The following ADARB2 variants were observed in gnomAD, a reference collection of about 807,000 sequenced individuals.
ADARB2 encodes the protein adenosine deaminase RNA specific B2 (inactive).
In ADARB2, 25 loss-of-function variants were observed where a neutral mutation model predicts 62.2. That is an observed-to-expected ratio of 0.40 (90% confidence interval 0.29 to 0.56). The LOEUF (loss-of-function observed/expected upper bound fraction) is 0.56. Among genes scored for constraint, ADARB2 ranks in the 20% least tolerant of loss-of-function variants. The pLI is 0.43. For synonymous variants in ADARB2, 572 were observed against 500.8 expected, an observed-to-expected ratio of 1.14 and a Z score of -1.90; for missense variants, 1,071 against 1,077.4, an observed-to-expected ratio of 0.99 and a Z score of 0.08.
intron 1 of ADARB2, among the ~76,000 whole-genome samples, chr10:1,513,166 A>G (rs1831960789): frequency 6.6e-6 from 1 of 152,244 alleles, no homozygotes; most frequent in East Asian, 1.9e-4. Context: ...TGTATATCAA[A>G]ACATCGTGTT....
intron 1 of ADARB2, among the ~76,000 whole-genome samples, chr10:1,507,760 C>T (rs1187562119): frequency 6.6e-6 from 1 of 152,146 alleles, no homozygotes; most frequent in Non-Finnish European, 1.5e-5. Flanking sequence ...AGCGGGTGTA[C>T]AGTGACTTCA....
At chr10:1,422,421 C>T (rs189922187) in intron 1 of ADARB2, among the ~76,000 whole-genome samples, 16 of 152,272 alleles carry the variant, frequency 1.1e-4, no homozygotes, top group Middle Eastern at 6.8e-3. Flanking sequence ...CTTTGGAGAC[C>T]GGGGCTGCAG....
Position 1,486,210 on chromosome 10 carries a change from CTGTGTGTGTGTG to C in ADARB2, c.101-107062_101-107051del, listed in dbSNP as rs61283089. On this transcript the variant is annotated intron_variant, in intron 1 of 9. Transcript: ENST00000381312. ...TGTGCATGTGTATGTGTGTGGACGC[CTGTGTGTGTGTG>C]TGTGTGTGTGTGTGTGTGTGTGTGT... is the stretch of plus-strand genomic sequence containing the variant. Among the ~76,000 whole-genome samples the C allele has an allele frequency of 1.1e-4, 16 of 142,952 alleles. No homozygotes were observed. The East Asian group carries it at 1.4e-3, about 13-fold the overall frequency. 93.8% of individuals were successfully genotyped at this position (142,952 alleles called of 152,430 possible). A position where few individuals can be genotyped will look rare whatever the true frequency, so the allele number is the denominator to read the frequency against.
intron 3 of ADARB2, among the ~76,000 whole-genome samples, chr10:1,357,330 T>C (rs1487165824): frequency 6.6e-6 from 1 of 152,118 alleles, no homozygotes; most frequent in Non-Finnish European, 1.5e-5. Context: ...CCGTGACCTC[T>C]CTGAGTGCTC....
chr10:1,396,535 C>T (rs534906913), intron 1 of ADARB2, among the ~76,000 whole-genome samples: 4 of 152,202 alleles, frequency 2.6e-5, no homozygotes, highest in Non-Finnish European at 4.4e-5. Flanking sequence ...CTGCCATCCC[C>T]GCCTGCAGTG....
At chr10:1,247,176 T>G (rs1214331849) in intron 4 of ADARB2, among the ~76,000 whole-genome samples, 1 of 152,230 alleles carries the variant, frequency 6.6e-6, no homozygotes, top group Non-Finnish European at 1.5e-5. Flanking sequence ...TGTACATTGA[T>G]TTTGTATCCT....
intron 1 of ADARB2, among the ~76,000 whole-genome samples, chr10:1,434,340 C>T (rs2131891411): frequency 6.6e-6 from 1 of 152,324 alleles, no homozygotes; most frequent in Non-Finnish European, 1.5e-5. Flanking sequence ...CCCTCACTCT[C>T]CAAGGCCTGC....
intron 2 of ADARB2, among the ~76,000 whole-genome samples, chr10:1,373,030 G>A (rs1231707802): frequency 6.6e-6 from 1 of 152,170 alleles, no homozygotes; most frequent in African/African-American, 2.4e-5. Context: ...TCATGGAATA[G>A]AAGAATCAAT....
chr10:1,666,583 C>T (rs1468995496), intron 1 of ADARB2, among the ~76,000 whole-genome samples: 1 of 152,224 alleles, frequency 6.6e-6, no homozygotes, highest in Admixed American at 6.5e-5. Context: ...ATCCAGCGTC[C>T]TCCTGCAGCC....
intron 2 of ADARB2, among the ~76,000 whole-genome samples, chr10:1,371,682 C>T (rs1832373181): frequency 6.6e-6 from 1 of 150,434 alleles, no homozygotes; most frequent in African/African-American, 2.5e-5. Context: ...TATAAGCAGC[C>T]AACAAACATA....
intron 1 of ADARB2, among the ~76,000 whole-genome samples, chr10:1,446,865 T>G (rs1830977609): frequency 6.6e-6 from 1 of 152,198 alleles, no homozygotes; most frequent in Non-Finnish European, 1.5e-5. Flanking sequence ...AGTGCCTGAC[T>G]TAGGCCCCGG....
intron 3 of ADARB2, chr10:1,289,997 A>C (rs1831450672): frequency 6.6e-6 from 1 of 152,236 alleles, no homozygotes; most frequent in Non-Finnish European, 1.5e-5. Context: ...AGGGTTACAG[A>C]CATTGAGGCA....
In ADARB2 at chr10:1,381,050, AT is replaced by A. The variant is rs1234025883; in HGVS notation, c.101-1891del. On this transcript the variant is annotated intron_variant, in intron 1 of 9. Transcript: ENST00000381312. ...AGTTGTTACTTTCTGATGTTGTTAG[AT>A]TTATCAAATAAAAATTCAGGACATC... 1.5e-4 allele frequency among the ~76,000 whole-genome samples: 23 copies of A among 152,374 alleles called. 1 individual carries two copies. The highest frequency in any genetic ancestry group is 1.1e-3 in the Admixed American group (17 of 15,300).
intron 1 of ADARB2, among the ~76,000 whole-genome samples, chr10:1,456,413 A>G (rs1262548952): frequency 2.6e-5 from 4 of 152,116 alleles, no homozygotes; most frequent in Non-Finnish European, 5.9e-5. Flanking sequence ...CTACCAACCT[A>G]AAGTTTCCTC....
chr10:1,588,532 C>A (rs1243470494), intron 1 of ADARB2, among the ~76,000 whole-genome samples: 1 of 152,204 alleles, frequency 6.6e-6, no homozygotes, highest in African/African-American at 2.4e-5. Flanking sequence ...TGCTGGTGAA[C>A]AATCAAACGC....
chr10:1,638,506 GT>G (rs5782589), intron 1 of ADARB2, among the ~76,000 whole-genome samples: 25 of 148,674 alleles, frequency 1.7e-4, no homozygotes, highest in African/African-American at 4.0e-4. Context: ...CTTTCATGAG[GT>G]TTTTTTTTTT....
rs569442686 is a variant in ADARB2 at position 1,221,694 on chromosome 10, T to A, written c.1514-4575A>T. Among the ~76,000 whole-genome samples, 17 of 152,258 alleles carry A rather than the reference T, an allele frequency of 1.1e-4. No homozygotes were observed. In the South Asian group the frequency reaches 3.5e-3, roughly 32 times the overall value. ...TTGGTTTTTTGTCCTTGCGATAGTTTGCTGAGAATGATGGTTTCCAGTTTC... is the reference window on the plus strand; with the variant it reads ...TTGGTTTTTTGTCCTTGCGATAGTTAGCTGAGAATGATGGTTTCCAGTTTC... On this transcript the variant is annotated intron_variant, in intron 6 of 9. Transcript: ENST00000381312.
At chr10:1,263,294 A>G (rs1237944601) in intron 4 of ADARB2, among the ~76,000 whole-genome samples, 1 of 152,220 alleles carries the variant, frequency 6.6e-6, no homozygotes, top group Non-Finnish European at 1.5e-5. Context: ...TAGTAATAAT[A>G]AAGAATATTT....
chr10:1,221,144 C>T (rs1462731795), intron 6 of ADARB2, among the ~76,000 whole-genome samples: 1 of 152,158 alleles, frequency 6.6e-6, no homozygotes, highest in East Asian at 1.9e-4. Context: ...CCAGCAATTG[C>T]AGTGAGCTGG....
Sources: gnomAD v4.1 joint callset for allele counts (sites outside exome capture counted in the v4.1 genomes callset) on GRCh38, gnomAD v4.1.1 for gene constraint, MANE v1.5 for transcripts, NCBI Gene and HGNC (gene_info 2026-07-23, HGNC 2026-07-21) for gene names.